The following GALNT13 variants were observed in gnomAD, a reference collection of about 807,000 sequenced individuals.
GALNT13 encodes UDP-GalNAc:polypeptide N-acetylgalactosaminyltransferase 13.
A neutral mutation model predicts 64.2 loss-of-function variants in GALNT13; 28 were observed. The ratio of observed to expected loss-of-function variants is 0.44; its 90% CI spans 0.32 to 0.60. GALNT13 has a LOEUF of 0.60. Among genes scored for constraint, GALNT13 ranks in the 20% least tolerant of loss-of-function variants. GALNT13 has a pLI of 0.05. For missense variants in GALNT13, 577 were observed against 669.8 expected, an observed-to-expected ratio of 0.86 and a Z score of 1.53; for synonymous variants, 214 against 224.6, an observed-to-expected ratio of 0.95 and a Z score of 0.42.
intron 3 of GALNT13, among the ~76,000 whole-genome samples, chr2:154,031,620 G>A (rs1247407222): frequency 6.6e-6 from 1 of 151,880 alleles, no homozygotes. Flanking sequence ...AATATCATTA[G>A]ACTTTAAATA....
At chr2:153,722,897 C>T in the GALNT13 span, among the ~76,000 whole-genome samples, 1 of 151,174 alleles carries the variant, frequency 6.6e-6, no homozygotes, top group Non-Finnish European at 1.5e-5. Context: ...TGGTACCATT[C>T]CTTCTGAAAC....
At chr2:153,896,381 A>G (rs866352084) in intron 1 of GALNT13, among the ~76,000 whole-genome samples, 42 of 150,986 alleles carry the variant, frequency 2.8e-4, no homozygotes, top group African/African-American at 9.7e-4. Context: ...GTATATATCA[A>G]TGTGTAAATT....
chr2:153,983,604 G>A (rs910302306), intron 3 of GALNT13, among the ~76,000 whole-genome samples: 1 of 151,908 alleles, frequency 6.6e-6, no homozygotes, highest in Non-Finnish European at 1.5e-5. Flanking sequence ...TAAGCTTTAA[G>A]TATTCTCTCA....
chr2:153,280,317 C>T, the GALNT13 span, among the ~76,000 whole-genome samples: 2 of 152,030 alleles, frequency 1.3e-5, no homozygotes, highest in African/African-American at 4.8e-5. Context: ...AAAAAACCAA[C>T]TTTTTGGTCA....
chr2:153,431,241 TTAA>T, the GALNT13 span, among the ~76,000 whole-genome samples: 3 of 152,182 alleles, frequency 2.0e-5, no homozygotes, highest in African/African-American at 7.2e-5. Flanking sequence ...CTAGTTTAAG[TTAA>T]TAACCTAATT....
chr2:153,317,347 T>G, the GALNT13 span, among the ~76,000 whole-genome samples: 3,477 of 152,278 alleles, frequency 0.023, 72 homozygotes, highest in South Asian at 0.052. Context: ...TTTAAAGTTC[T>G]TGGTGGATAA....
intron 9 of GALNT13, among the ~76,000 whole-genome samples, chr2:154,354,219 C>G (rs574530038): frequency 8.0e-4 from 121 of 152,064 alleles, no homozygotes; most frequent in African/African-American, 2.8e-3. Context: ...AATTTCTGTT[C>G]AGGTCTTTTG....
At chr2:153,465,619 C>G in the GALNT13 span, among the ~76,000 whole-genome samples, 1 of 151,500 alleles carries the variant, frequency 6.6e-6, no homozygotes, top group Non-Finnish European at 1.5e-5. Flanking sequence ...TGCCTCTGAG[C>G]CAGTTTAATT....
the GALNT13 span, among the ~76,000 whole-genome samples, chr2:153,632,186 G>A: frequency 2.6e-5 from 4 of 152,038 alleles, no homozygotes; most frequent in Non-Finnish European, 4.4e-5. Context: ...GTTTTTTCCT[G>A]GTGATTAAAA....
the GALNT13 span, among the ~76,000 whole-genome samples, chr2:153,265,891 G>A: frequency 6.6e-6 from 1 of 152,190 alleles, no homozygotes; most frequent in African/African-American, 2.4e-5. Context: ...CAATATTTGA[G>A]AGGAGTGACT....
intron 4 of GALNT13, among the ~76,000 whole-genome samples, chr2:154,151,998 G>A (rs1407856261): frequency 5.3e-5 from 8 of 152,206 alleles, no homozygotes; most frequent in South Asian, 4.2e-4. Flanking sequence ...TATTTTGCTC[G>A]TTAGTTGATG....
chr2:154,445,588 G>C (rs1043947549), intron 12 of GALNT13, among the ~76,000 whole-genome samples: 8 of 151,684 alleles, frequency 5.3e-5, no homozygotes, highest in African/African-American at 1.7e-4. Context: ...ATTATTTATA[G>C]TTACAGTTTT....
At chr2:153,096,468 A>C in the GALNT13 span, among the ~76,000 whole-genome samples, 3 of 152,252 alleles carry the variant, frequency 2.0e-5, no homozygotes, top group South Asian at 6.2e-4. Context: ...TGGCATGTTG[A>C]AGTCTCCAGG....
At chr2:154,320,775 C>G (rs1425538007) in intron 9 of GALNT13, among the ~76,000 whole-genome samples, 1 of 152,142 alleles carries the variant, frequency 6.6e-6, no homozygotes, top group Non-Finnish European at 1.5e-5. Context: ...TTTCTACTTT[C>G]AGATGCCATC....
At chr2:154,151,462 T>C (rs1186291451) in intron 4 of GALNT13, among the ~76,000 whole-genome samples, 2 of 152,202 alleles carry the variant, frequency 1.3e-5, no homozygotes, top group African/African-American at 4.8e-5. Context: ...GGTGCAGAGC[T>C]GAGTTCAATT....
chr2:153,249,678 T>C, the GALNT13 span, among the ~76,000 whole-genome samples: 5 of 151,866 alleles, frequency 3.3e-5, no homozygotes, highest in Admixed American at 1.3e-4. Flanking sequence ...CCAAAACAGA[T>C]ATATAGACCA....
chr2:153,587,847 A>G, the GALNT13 span, among the ~76,000 whole-genome samples: 1 of 152,354 alleles, frequency 6.6e-6, no homozygotes, highest in South Asian at 2.1e-4. Context: ...AGACAAGGCA[A>G]GTCTCTTCTG....
chr2:153,456,781 C>T, the GALNT13 span, among the ~76,000 whole-genome samples: 1 of 152,100 alleles, frequency 6.6e-6, no homozygotes, highest in African/African-American at 2.4e-5. Flanking sequence ...GTATCAGAAC[C>T]AGGATTTGAA....
At chr2:153,285,034 T>TA in the GALNT13 span, among the ~76,000 whole-genome samples, 53,884 of 141,514 alleles carry the variant, frequency 0.38, 10,252 homozygotes, top group Middle Eastern at 0.5. Flanking sequence ...GTAATTTATT[T>TA]AAAAAAAAAA....
Sources: gnomAD v4.1 joint callset for allele counts (sites outside exome capture counted in the v4.1 genomes callset) on GRCh38, gnomAD v4.1.1 for gene constraint, MANE v1.5 for transcripts, NCBI Gene and HGNC (gene_info 2026-07-23, HGNC 2026-07-21) for gene names.